The following ANK3 variants were observed in gnomAD, a reference collection of about 807,000 sequenced individuals.
ANK3 encodes ankyrin 3.
A neutral mutation model predicts 370.9 loss-of-function variants in ANK3; 57 were observed. The ratio of observed to expected loss-of-function variants is 0.15; its 90% CI spans 0.12 to 0.19. The LOEUF is 0.19. ANK3 is among the 10% of genes least tolerant of loss of function. The pLI is 1.00. For synonymous variants in ANK3, 1,929 were observed against 1,946.3 expected, an observed-to-expected ratio of 0.99 and a Z score of 0.23; for missense variants, 4,439 against 5,302.1, an observed-to-expected ratio of 0.84 and a Z score of 5.06.
chr10:60,121,109 T>C (rs750968194), intron 25 of ANK3, among the ~76,000 whole-genome samples: 7 of 152,140 alleles, frequency 4.6e-5, no homozygotes, highest in Non-Finnish European at 8.8e-5. Context: ...CAATGGAGTA[T>C]GTACACGCAA....
intron 5 of ANK3, among the ~76,000 whole-genome samples, chr10:60,268,733 A>G (rs965604273): frequency 6.6e-5 from 10 of 152,096 alleles, no homozygotes; most frequent in African/African-American, 2.4e-4. Context: ...TTACTGCCAA[A>G]TGTTCTGTAA....
chr10:60,719,246 A>G (rs1419200410), intron 1 of ANK3, among the ~76,000 whole-genome samples: 1 of 152,138 alleles, frequency 6.6e-6, no homozygotes, highest in Non-Finnish European at 1.5e-5. Flanking sequence ...CCAGTCCCAT[A>G]AAGGTAAATT....
At chr10:60,182,614 G>A (rs116513109) in intron 17 of ANK3, among the ~76,000 whole-genome samples, 256 of 152,250 alleles carry the variant, frequency 1.7e-3, no homozygotes, top group African/African-American at 5.7e-3. Context: ...ATATCAGCCT[G>A]TCCTATTTGT....
intron 42 of ANK3, among the ~76,000 whole-genome samples, chr10:60,054,817 G>T (rs2078828146): frequency 1.3e-5 from 2 of 152,148 alleles, no homozygotes; most frequent in African/African-American, 4.8e-5. Flanking sequence ...TCTGTCTATT[G>T]CAGAATTGAT....
chr10:60,415,904 G>T (rs2063651890), intron 2 of ANK3, among the ~76,000 whole-genome samples: 1 of 129,148 alleles, frequency 7.7e-6, no homozygotes, highest in Non-Finnish European at 1.6e-5. Context: ...TCATTGTATG[G>T]TCTGAATTTG....
chr10:60,653,238 A>G (rs2078815995), intron 1 of ANK3, among the ~76,000 whole-genome samples: 1 of 152,170 alleles, frequency 6.6e-6, no homozygotes, highest in Non-Finnish European at 1.5e-5. Flanking sequence ...AGCCAAGGTC[A>G]CAAATATTTT....
At chr10:60,086,990 C>CAAAA in intron 29 of ANK3, 106 bp from the exon 30 acceptor site, 2 of 100,740 alleles carry the variant, frequency 2.0e-5, no homozygotes, top group Non-Finnish European at 2.6e-5. Flanking sequence ...AAACAGACAA[C>CAAAA]CAAAAAAAAA....
intron 2 of ANK3, among the ~76,000 whole-genome samples, chr10:60,563,077 C>A (rs1293726281): frequency 6.6e-6 from 1 of 152,084 alleles, no homozygotes. Context: ...AATCAGGACT[C>A]TTTTTTTCCT....
chr10:60,363,708 C>A (rs1488978998), intron 1 of ANK3, among the ~76,000 whole-genome samples: 1 of 152,104 alleles, frequency 6.6e-6, no homozygotes, highest in African/African-American at 2.4e-5. Flanking sequence ...TTAAGTCACA[C>A]CAATGTCAAA....
chr10:60,221,490 A>G (rs1437580428), intron 8 of ANK3, among the ~76,000 whole-genome samples: 1 of 152,224 alleles, frequency 6.6e-6, no homozygotes, highest in East Asian at 1.9e-4. Context: ...CTCAGCTTCC[A>G]CAATTGTCAC....
intron 1 of ANK3, chr10:60,300,434 T>A: frequency 7.8e-7 from 1 of 1,288,740 alleles, no homozygotes; most frequent in South Asian, 1.2e-5. Flanking sequence ...AATATCTGCC[T>A]TCGGAAATGT....
At chr10:60,632,591 T>G (rs998429551) in intron 1 of ANK3, among the ~76,000 whole-genome samples, 26 of 152,132 alleles carry the variant, frequency 1.7e-4, no homozygotes, top group African/African-American at 5.5e-4. Flanking sequence ...TTTACAAATT[T>G]TTTTTTAAAA....
intron 2 of ANK3, among the ~76,000 whole-genome samples, chr10:60,427,758 C>T (rs181311979): frequency 1.4e-3 from 207 of 152,148 alleles, no homozygotes; most frequent in African/African-American, 4.6e-3. Context: ...AATACTGATG[C>T]CATCCAATCT....
At chr10:60,508,032 T>C (rs1334860481) in intron 2 of ANK3, 1 of 152,198 alleles carries the variant, frequency 6.6e-6, no homozygotes, top group Non-Finnish European at 1.5e-5. Flanking sequence ...AATAGAAGTC[T>C]AATAATACTG....
chr10:60,577,923 TGA>T (rs902327005), intron 2 of ANK3, among the ~76,000 whole-genome samples: 21 of 152,312 alleles, frequency 1.4e-4, no homozygotes, highest in Admixed American at 1.2e-3. Flanking sequence ...TGAAGCAGAA[TGA>T]GATTGTGAAT....
intron 11 of ANK3, among the ~76,000 whole-genome samples, chr10:60,203,881 T>C (rs901684701): frequency 6.6e-6 from 1 of 152,242 alleles, no homozygotes; most frequent in Non-Finnish European, 1.5e-5. Context: ...GTCATTAATA[T>C]TTTAAAGAGT....
At chr10:60,334,410 A>T (rs1402832810) in intron 1 of ANK3, among the ~76,000 whole-genome samples, 1 of 152,178 alleles carries the variant, frequency 6.6e-6, no homozygotes, top group Non-Finnish European at 1.5e-5. Context: ...TACCGTGGTT[A>T]AAATTTGCAC....
intron 2 of ANK3, among the ~76,000 whole-genome samples, chr10:60,591,298 TTTTATTTTA>T (rs1170209817): frequency 2.4e-4 from 33 of 137,106 alleles, no homozygotes; most frequent in Admixed American, 9.6e-4. Context: ...TTATTTTTAT[TTTTATTTTA>T]TTTATTTATT....
At chr10:60,317,105 T>C (rs1326888014) in intron 1 of ANK3, among the ~76,000 whole-genome samples, 2 of 152,022 alleles carry the variant, frequency 1.3e-5, no homozygotes, top group Non-Finnish European at 2.9e-5. Flanking sequence ...ATTCCATCCA[T>C]ATACATGCAT....
Sources: allele counts gnomAD v4.1 joint callset (sites outside exome capture counted in the v4.1 genomes callset), GRCh38; gene constraint gnomAD v4.1.1; transcripts MANE v1.5; gene names NCBI Gene and HGNC (gene_info 2026-07-23, HGNC 2026-07-21).